The following RGL1 variants were observed in gnomAD, a reference collection of about 807,000 sequenced individuals.
The protein encoded by RGL1 is ral guanine nucleotide dissociation stimulator-like 1.
RGL1 carries 24 observed loss-of-function variants against 95.2 expected under a neutral mutation model. The observed-to-expected ratio is 0.25, with a 90% CI of 0.18 to 0.35. The LOEUF is 0.35. RGL1 is among the 10% of genes least tolerant of loss of function. The pLI is 1.00. For synonymous variants in RGL1, 329 were observed against 344.9 expected (o/e 0.95, Z 0.51); for missense variants, 715 against 936.3 (o/e 0.76, Z 3.08).
chr1:183,723,260 A>G (rs1656117250), intron 1 of RGL1, among the ~76,000 whole-genome samples: 1 of 152,260 alleles, frequency 6.6e-6, no homozygotes, highest in Admixed American at 6.5e-5. Flanking sequence ...AGATGGCTGA[A>G]TAGAAGCCTT....
intron 1 of RGL1, among the ~76,000 whole-genome samples, chr1:183,701,668 G>C (rs977027922): frequency 2.6e-5 from 4 of 152,140 alleles, no homozygotes; most frequent in African/African-American, 9.7e-5. Context: ...GCCGGGTGCA[G>C]TGGCTCATGC....
chr1:183,657,171 A>G (rs563491068), intron 1 of RGL1, among the ~76,000 whole-genome samples: 2 of 152,330 alleles, frequency 1.3e-5, no homozygotes, highest in African/African-American at 2.4e-5. Context: ...CATTTTAACA[A>G]TATTAATTCT....
intron 1 of RGL1, among the ~76,000 whole-genome samples, chr1:183,674,496 T>C (rs1288080740): frequency 3.3e-5 from 5 of 152,178 alleles, no homozygotes; most frequent in African/African-American, 1.2e-4. Context: ...CTCTGAGACC[T>C]TGGAAGGAAG....
chr1:183,648,081 C>T (rs1398937334), intron 1 of RGL1: 1 of 1,614,104 alleles, frequency 6.2e-7, no homozygotes, highest in Admixed American at 1.7e-5. Context: ...AGGTTTTACG[C>T]CTGTTATGGC....
intron 3 of RGL1, among the ~76,000 whole-genome samples, chr1:183,861,973 A>G (rs1211032134): frequency 3.9e-5 from 6 of 152,194 alleles, no homozygotes; most frequent in African/African-American, 1.4e-4. Context: ...TAGCCTGAAC[A>G]TTTAAAGAGT....
intron 16 of RGL1, among the ~76,000 whole-genome samples, chr1:183,917,586 C>T (rs1444096592): frequency 6.6e-6 from 1 of 152,212 alleles, no homozygotes; most frequent in Non-Finnish European, 1.5e-5. Context: ...CACATAAAAG[C>T]TTTGCTAAAG....
intron 2 of RGL1, among the ~76,000 whole-genome samples, chr1:183,845,857 A>T (rs1664386969): frequency 6.6e-6 from 1 of 152,070 alleles, no homozygotes; most frequent in South Asian, 2.1e-4. Context: ...TCTCTCCAAA[A>T]CCAGTATGAC....
intron 2 of RGL1, among the ~76,000 whole-genome samples, chr1:183,759,926 C>T (rs1658564040): frequency 6.6e-6 from 1 of 152,128 alleles, no homozygotes; most frequent in Non-Finnish European, 1.5e-5. Flanking sequence ...GGTTAGTGAC[C>T]CTCCTGTGTG....
At chr1:183,711,969 G>T (rs1052834476) in intron 1 of RGL1, among the ~76,000 whole-genome samples, 1 of 152,182 alleles carries the variant, frequency 6.6e-6, no homozygotes, top group African/African-American at 2.4e-5. Context: ...TATAAATCTA[G>T]AGTAGCAGTG....
At chr1:183,901,655 GTCTC>G (rs999187584) in intron 11 of RGL1, among the ~76,000 whole-genome samples, 5 of 150,140 alleles carry the variant, frequency 3.3e-5, no homozygotes, top group South Asian at 4.2e-4. Flanking sequence ...CTCTCTCTCT[GTCTC>G]TCTCTCTCTC....
Position 183,927,643 on chromosome 1 carries a change from G to A in RGL1, c.*1351G>A, listed in dbSNP as rs1468631979. On this transcript the variant is annotated 3_prime_UTR_variant, in exon 18 of 18. Transcript: ENST00000360851. ...AACACCATCACACTCTTCCTTCCAA[G>A]TCTGAGCTGTGCTGGGGTTTGAACT... 3 of 152,522 alleles carry A rather than the reference G, an allele frequency of 2.0e-5. No homozygotes were observed. Among genetic ancestry groups the A allele is most frequent in the Non-Finnish European group, 4.4e-5 (3 of 68,040 alleles). 9.4% of individuals were successfully genotyped at this position (152,522 alleles called of 1,614,324 possible).
intron 1 of RGL1, among the ~76,000 whole-genome samples, chr1:183,681,323 G>A (rs1361612949): frequency 2.6e-5 from 4 of 152,128 alleles, no homozygotes; most frequent in Non-Finnish European, 5.9e-5. Context: ...GTCATAAATG[G>A]CTCTTATTAT....
At chr1:183,874,207 C>CCTGGGGCGTAGGTTGAGGAAG (rs1666353034) in intron 4 of RGL1, among the ~76,000 whole-genome samples, 1 of 152,056 alleles carries the variant, frequency 6.6e-6, no homozygotes, top group Non-Finnish European at 1.5e-5. Flanking sequence ...AGAGGAGGAA[C>CCTGGGGCGTAGGTTGAGGAAG]CTGGGGCGTA....
intron 2 of RGL1, among the ~76,000 whole-genome samples, chr1:183,831,202 A>T (rs1181279491): frequency 6.6e-6 from 1 of 152,222 alleles, no homozygotes; most frequent in East Asian, 1.9e-4. Context: ...TATCTGAGTA[A>T]GTACTGCCCA....
Position 183,787,886 on chromosome 1 carries a change from A to G in RGL1, c.133-18489A>G, listed in dbSNP as rs12096398. Among the ~76,000 whole-genome samples the G allele has an allele frequency of 1.8e-3, 274 of 151,926 alleles. 6 individuals carry two copies. The East Asian group carries it at 0.042, about 23-fold the overall frequency. ...CTCTTGCTTCCTCTCTCACCACGTG[A>G]TCTCTTACAGCTCCCCTTCACCTTC... On this transcript the variant is annotated intron_variant, in intron 2 of 18. Transcript: ENST00000304685.
intron 3 of RGL1, among the ~76,000 whole-genome samples, chr1:183,863,690 C>A (rs1346433596): frequency 6.6e-6 from 1 of 152,040 alleles, no homozygotes; most frequent in Non-Finnish European, 1.5e-5. Flanking sequence ...AAGGGCAGAG[C>A]AAAAAGGATT....
intron 16 of RGL1, among the ~76,000 whole-genome samples, chr1:183,917,654 C>T (rs184808682): frequency 2.6e-5 from 4 of 152,292 alleles, no homozygotes; most frequent in African/African-American, 7.2e-5. Flanking sequence ...TTAGATCAGG[C>T]TTTGGGGATA....
intron 3 of RGL1, among the ~76,000 whole-genome samples, chr1:183,849,711 G>A (rs1003824428): frequency 6.6e-6 from 1 of 151,822 alleles, no homozygotes; most frequent in Non-Finnish European, 1.5e-5. Flanking sequence ...GGATGATCTC[G>A]ATCTCTTGAC....
intron 2 of RGL1, among the ~76,000 whole-genome samples, chr1:183,752,674 T>TTCTCTCTC (rs71130636): frequency 6.4e-4 from 20 of 31,292 alleles, no homozygotes; most frequent in South Asian, 1.3e-3. Context: ...CTTTCTCTCT[T>TTCTCTCTC]TCTCTCTCTC....
Sources: gnomAD v4.1 joint callset for allele counts (sites outside exome capture counted in the v4.1 genomes callset) on GRCh38, gnomAD v4.1.1 for gene constraint, MANE v1.5 for transcripts, NCBI Gene and HGNC (gene_info 2026-07-23, HGNC 2026-07-21) for gene names.